GRM8: variants seen among roughly 807,000 people sequenced by gnomAD.
GRM8 encodes metabotropic glutamate receptor 8.
In GRM8, 47 loss-of-function variants were observed where a neutral mutation model predicts 87.2. The observed-to-expected ratio is 0.54, with a 90% confidence interval of 0.43 to 0.69. The LOEUF (loss-of-function observed/expected upper bound fraction) is 0.69, where lower values mean the gene tolerates loss of function less well. GRM8 is among the 30% of genes least tolerant of loss of function. GRM8 has a pLI of 0.00. For synonymous variants in GRM8, 396 were observed against 404.5 expected (o/e 0.98, Z 0.25); for missense variants, 1,019 against 1,139.2 (o/e 0.89, Z 1.52).
intron 9 of GRM8, among the ~76,000 whole-genome samples, chr7:126,456,524 A>AAAAAAAAAAAAAAAAC: frequency 1.3e-5 from 1 of 77,054 alleles, no homozygotes. Flanking sequence ...CAAGCTAAAA[A>AAAAAAAAAAAAAAAAC]AAAAAAAAAA....
At chr7:126,833,227 G>C (rs1048224913) in intron 6 of GRM8, among the ~76,000 whole-genome samples, 1 of 152,198 alleles carries the variant, frequency 6.6e-6, no homozygotes, top group African/African-American at 2.4e-5. Context: ...GTAAGGAAGA[G>C]GCGGTACAAA....
At chr7:126,844,686 G>T (rs1393238655) in intron 6 of GRM8, among the ~76,000 whole-genome samples, 1 of 152,110 alleles carries the variant, frequency 6.6e-6, no homozygotes, top group Non-Finnish European at 1.5e-5. Flanking sequence ...CCATGGTCAG[G>T]TTCTGGGGAG....
intron 2 of GRM8, among the ~76,000 whole-genome samples, chr7:127,151,871 C>T (rs572502077): frequency 6.6e-6 from 1 of 152,100 alleles, no homozygotes; most frequent in Admixed American, 6.5e-5. Flanking sequence ...AGATTATAGT[C>T]TATATTCTGA....
chr7:126,599,762 A>C (rs1249976840), intron 8 of GRM8, among the ~76,000 whole-genome samples: 6 of 152,164 alleles, frequency 3.9e-5, no homozygotes, highest in Non-Finnish European at 7.4e-5. Context: ...TAAAGTTAAA[A>C]AAGAATAAAG....
chr7:127,209,346 G>T (rs1796087431), intron 2 of GRM8, among the ~76,000 whole-genome samples: 1 of 152,170 alleles, frequency 6.6e-6, no homozygotes, highest in Admixed American at 6.5e-5. Flanking sequence ...ATAATACACT[G>T]TCCAGTATGA....
intron 7 of GRM8, among the ~76,000 whole-genome samples, chr7:126,614,565 CAAA>C (rs1799248751): frequency 6.6e-6 from 1 of 152,172 alleles, no homozygotes; most frequent in Non-Finnish European, 1.5e-5. Flanking sequence ...TTCAGATGAT[CAAA>C]CTTCTCTGAG....
chr7:126,455,041 T>G (rs984286589), intron 9 of GRM8, among the ~76,000 whole-genome samples: 2 of 151,710 alleles, frequency 1.3e-5, no homozygotes, highest in African/African-American at 4.8e-5. Flanking sequence ...ATGTCTGATA[T>G]TGATTAAAAC....
At chr7:126,779,662 A>G (rs1316642810) in intron 6 of GRM8, among the ~76,000 whole-genome samples, 2 of 152,158 alleles carry the variant, frequency 1.3e-5, no homozygotes, top group African/African-American at 4.8e-5. Context: ...TCACTTGCAC[A>G]TTTATTTTTA....
At chr7:126,844,517 GTAT>G (rs1796542711) in intron 6 of GRM8, among the ~76,000 whole-genome samples, 1 of 152,102 alleles carries the variant, frequency 6.6e-6, no homozygotes, top group Non-Finnish European at 1.5e-5. Flanking sequence ...TGTGAAGTAG[GTAT>G]TATTATTTCT....
At chr7:127,082,498 T>C (rs948590021) in intron 3 of GRM8, among the ~76,000 whole-genome samples, 12 of 152,170 alleles carry the variant, frequency 7.9e-5, no homozygotes, top group African/African-American at 2.2e-4. Context: ...TCCCACTCAA[T>C]GATACCAGGA....
At chr7:127,112,274 G>C (rs1266026562) in intron 2 of GRM8, 1 of 151,966 alleles carries the variant, frequency 6.6e-6, no homozygotes, top group Non-Finnish European at 1.5e-5. Context: ...TCATCCTTCA[G>C]CCTCAGCTCA....
At chr7:126,886,800 G>A (rs897856822) in intron 6 of GRM8, among the ~76,000 whole-genome samples, 2 of 151,918 alleles carry the variant, frequency 1.3e-5, no homozygotes, top group African/African-American at 2.4e-5. Context: ...CAATTCCCAA[G>A]TACTACAGTT....
rs1367226619 is a variant in GRM8 at position 126,933,720 on chromosome 7, G to T, written c.728-29037C>A. ...TCATACCTCATAATGTTATTGTAAA[G>T]ATTAACAACCAGTACATGTAAAGGA... is the stretch of plus-strand genomic sequence containing the variant. On this transcript the variant is annotated intron_variant, in intron 3 of 10. Transcript: ENST00000339582. 5.9e-5 allele frequency among the ~76,000 whole-genome samples: 9 copies of T among 152,160 alleles called. No individual in the cohort carries two copies. In the East Asian group the frequency reaches 1.3e-3, roughly 23 times the overall value.
At chr7:126,894,710 G>A (rs1801380595) in intron 6 of GRM8, among the ~76,000 whole-genome samples, 1 of 151,992 alleles carries the variant, frequency 6.6e-6, no homozygotes, top group Non-Finnish European at 1.5e-5. Context: ...AGGAAAAATA[G>A]TAGAATGGGT....
At chr7:127,182,323 A>C (rs1001705720) in intron 2 of GRM8, among the ~76,000 whole-genome samples, 3 of 152,112 alleles carry the variant, frequency 2.0e-5, no homozygotes, top group Non-Finnish European at 4.4e-5. Flanking sequence ...AGGAATGGCC[A>C]TAATCAAAAA....
intron 2 of GRM8, among the ~76,000 whole-genome samples, chr7:127,211,081 T>C (rs1392895051): frequency 6.6e-6 from 1 of 151,938 alleles, no homozygotes; most frequent in East Asian, 1.9e-4. Flanking sequence ...ACAGGACTAA[T>C]AGGATAGATG....
intron 3 of GRM8, among the ~76,000 whole-genome samples, chr7:127,099,999 A>G (rs1205704394): frequency 6.6e-6 from 1 of 152,178 alleles, no homozygotes; most frequent in Admixed American, 6.5e-5. Flanking sequence ...TGGTAGAGGC[A>G]GAGACTGGAG....
chr7:126,717,343 T>TA (rs1811873072), intron 7 of GRM8, among the ~76,000 whole-genome samples: 1 of 151,744 alleles, frequency 6.6e-6, no homozygotes, highest in Non-Finnish European at 1.5e-5. Flanking sequence ...GAGGGTGAAA[T>TA]AAGAGTTGTG....
chr7:126,797,843 A>G (rs11971186), intron 6 of GRM8, among the ~76,000 whole-genome samples: 47,633 of 151,988 alleles, frequency 0.31, 7,924 homozygotes, highest in Middle Eastern at 0.43. Context: ...TCTCCCTCAT[A>G]GCAACATGAA....
Sources: allele counts gnomAD v4.1 joint callset (sites outside exome capture counted in the v4.1 genomes callset), GRCh38; gene constraint gnomAD v4.1.1; transcripts MANE v1.5; gene names NCBI Gene and HGNC (gene_info 2026-07-23, HGNC 2026-07-21).